ARID1B: variants seen among roughly 807,000 people sequenced by gnomAD.
ARID1B encodes the protein AT-rich interactive domain-containing protein 1B.
Under a neutral mutation model 212.3 loss-of-function variants are expected in ARID1B, and 30 were observed. That is an observed-to-expected ratio of 0.14 (90% CI 0.11 to 0.19). The LOEUF (loss-of-function observed/expected upper bound fraction) is 0.19. ARID1B is among the 10% of genes least tolerant of loss of function. The pLI, the probability that ARID1B is intolerant of heterozygous loss-of-function variation, is 1.00. For synonymous variants in ARID1B, 1,402 were observed against 1,301.7 expected (o/e 1.08, Z -1.66); for missense variants, 2,891 against 3,204.0 (o/e 0.90, Z 2.36).
intron 4 of ARID1B, chr6:156,940,575 T>A (rs574431336): frequency 2.8e-4 from 42 of 152,350 alleles, no homozygotes; most frequent in African/African-American, 8.9e-4. Context: ...TTACCAAGAA[T>A]ATTCTTGGGG....
Position 157,190,232 on chromosome 6 carries a change from C to A in ARID1B, c.4231+22C>A. Reference sequence around the variant, plus strand: ...AAAGGTACGTGTAGAGGGGCCTCCACCCGGCCATGGACCAGTGGGCATTCT... The same window carrying A: ...AAAGGTACGTGTAGAGGGGCCTCCAACCGGCCATGGACCAGTGGGCATTCT... On this transcript the variant is annotated intron_variant, in intron 15 of 19. Coordinates refer to ENST00000636930, the MANE Select transcript of ARID1B (RefSeq NM_001374828.1). This position sits in a 1 kb window ranked among gnomAD's most constrained non-coding sequence, Gnocchi z 4.6. The A allele has an allele frequency of 6.3e-7, 1 of 1,593,016 alleles. No homozygotes were observed.
chr6:157,169,831 G>C (rs1405520748), intron 9 of ARID1B: 1 of 152,128 alleles, frequency 6.6e-6, no homozygotes, highest in East Asian at 1.9e-4. Flanking sequence ...CCTATAAATA[G>C]CACAGGAGCG....
In ARID1B at chr6:156,795,878, A is replaced by T. The variant is rs181878223; in HGVS notation, c.1791+16407A>T. 1.7e-3 allele frequency among the ~76,000 whole-genome samples: 236 copies of T among 140,036 alleles called. 2 individuals carry two copies. Among genetic ancestry groups the T allele is most frequent in the East Asian group, 0.014 (74 of 5,170 alleles). 91.9% of individuals were successfully genotyped at this position (140,036 alleles called of 152,430 possible). ...ATAAAACTACATCTCACAGCTTTTT[A>T]AAAAAAAATTCAGTTTAGCTCATAA... On this transcript the variant is annotated intron_variant, in intron 1 of 19. Coordinates refer to ENST00000636930, the MANE Select transcript of ARID1B (RefSeq NM_001374828.1).
Position 157,007,743 on chromosome 6 carries a change from T to TTC in ARID1B, c.2247+72167_2247+72168insTC, listed in dbSNP as rs1367733799. On this transcript the variant is annotated intron_variant, in intron 4 of 19. Coordinates refer to ENST00000636930, the MANE Select transcript of ARID1B (RefSeq NM_001374828.1). ...CCTAAGTTGTTTTTTTTTTTTTTTT[T>TTC]CCCCAAGACAGAGTCTCACTCTGTC... 9.4e-3 allele frequency among the ~76,000 whole-genome samples: 1,234 copies of TTC among 131,480 alleles called. 24 individuals are homozygous for TTC. The highest frequency in any genetic ancestry group is 0.031 in the African/African-American group (1,194 of 37,934). 86.3% of individuals were successfully genotyped at this position (131,480 alleles called of 152,430 possible).
At chr6:156,802,928 T>G (rs1460039490) in intron 1 of ARID1B, among the ~76,000 whole-genome samples, 1 of 152,246 alleles carries the variant, frequency 6.6e-6, no homozygotes, top group East Asian at 1.9e-4. Context: ...TTATTATAAC[T>G]ACAAATATGA....
intron 19 of ARID1B, chr6:157,205,563 G>C (rs1369600320): frequency 2.0e-5 from 3 of 152,126 alleles, no homozygotes. Context: ...ATTTATCATA[G>C]GCTAAATTGA....
At chr6:156,918,370 C>T (rs539498081) in intron 3 of ARID1B, among the ~76,000 whole-genome samples, 3 of 152,156 alleles carry the variant, frequency 2.0e-5, no homozygotes, top group African/African-American at 4.8e-5. Context: ...TGTGGAAAGC[C>T]ACTGAAGTGT....
intron 1 of ARID1B, among the ~76,000 whole-genome samples, chr6:156,797,236 A>C (rs1249390755): frequency 6.6e-6 from 1 of 152,198 alleles, no homozygotes; most frequent in African/African-American, 2.4e-5. Flanking sequence ...CTTCCAGAGA[A>C]ATTTAATCCC....
At chr6:157,126,329 G>A (rs879904905) in intron 6 of ARID1B, among the ~76,000 whole-genome samples, 5 of 152,144 alleles carry the variant, frequency 3.3e-5, no homozygotes, top group African/African-American at 9.7e-5. Flanking sequence ...CACAGCGAAT[G>A]GGAGACGCAG....
intron 7 of ARID1B, among the ~76,000 whole-genome samples, chr6:157,147,635 C>T (rs1283871681): frequency 1.1e-4 from 1 of 8,714 alleles, no homozygotes; most frequent in Non-Finnish European, 2.5e-4. Context: ...CCTCCGTCCC[C>T]CACCCCAGCC....
At chr6:157,063,849 T>C (rs904849284) in intron 4 of ARID1B, among the ~76,000 whole-genome samples, 1 of 152,198 alleles carries the variant, frequency 6.6e-6, no homozygotes, top group African/African-American at 2.4e-5. Flanking sequence ...TCTGGTTCTC[T>C]GTTTTACAAG....
At chr6:157,033,481 T>C (rs1781135416) in intron 4 of ARID1B, among the ~76,000 whole-genome samples, 1 of 152,206 alleles carries the variant, frequency 6.6e-6, no homozygotes. Flanking sequence ...AATGAGTGCT[T>C]TACATTGTGA....
At chr6:157,058,992 C>T (rs1783157084) in intron 4 of ARID1B, among the ~76,000 whole-genome samples, 1 of 151,874 alleles carries the variant, frequency 6.6e-6, no homozygotes, top group Non-Finnish European at 1.5e-5. Context: ...TTTGGAGGCC[C>T]CAAAACACCT....
chr6:157,113,432 G>A (rs765128888), intron 6 of ARID1B, among the ~76,000 whole-genome samples: 3 of 152,186 alleles, frequency 2.0e-5, no homozygotes, highest in East Asian at 3.8e-4. Flanking sequence ...CCTGCAGGCT[G>A]TGCAGCAGGC....
intron 5 of ARID1B, among the ~76,000 whole-genome samples, chr6:157,105,242 T>G (rs1367480969): frequency 6.6e-6 from 1 of 152,186 alleles, no homozygotes; most frequent in African/African-American, 2.4e-5. Context: ...AATTCCTCTT[T>G]AACCTTGGTG....
intron 4 of ARID1B, among the ~76,000 whole-genome samples, chr6:157,079,384 T>TA (rs1784498424): frequency 6.6e-6 from 1 of 152,200 alleles, no homozygotes; most frequent in Non-Finnish European, 1.5e-5. Flanking sequence ...TCATGGAAAT[T>TA]AAACAGTCAC....
At chr6:156,781,975 CTTTTTTTTTTTTTTTTTT>C (rs57443841) in intron 1 of ARID1B, among the ~76,000 whole-genome samples, 1 of 39,206 alleles carries the variant, frequency 2.6e-5, no homozygotes, top group African/African-American at 8.4e-5. Flanking sequence ...TGGGAATAGG[CTTTTTTTTTTTTTTTTTT>C]TTTTTTTTTT....
chr6:156,887,574 A>G (rs1015830469), intron 2 of ARID1B, among the ~76,000 whole-genome samples: 2 of 152,044 alleles, frequency 1.3e-5, no homozygotes, highest in African/African-American at 2.4e-5. Flanking sequence ...TTCATTTTTG[A>G]TGGGCTTGGC....
At chr6:156,893,373 G>A (rs985413813) in intron 2 of ARID1B, among the ~76,000 whole-genome samples, 1 of 152,146 alleles carries the variant, frequency 6.6e-6, no homozygotes, top group Non-Finnish European at 1.5e-5. Flanking sequence ...ACTGCATTTG[G>A]TAATTATTCC....
Sources: allele counts gnomAD v4.1 joint callset (sites outside exome capture counted in the v4.1 genomes callset), GRCh38; gene constraint gnomAD v4.1.1; non-coding constraint Gnocchi (gnomAD v3.1); transcripts MANE v1.5; gene names NCBI Gene and HGNC (gene_info 2026-07-23, HGNC 2026-07-21).